The following VWA5B1 variants were observed in gnomAD, a reference collection of about 807,000 sequenced individuals.
The protein encoded by VWA5B1 is von Willebrand factor A domain containing 5B1.
VWA5B1 carries 115 observed loss-of-function variants against 118.2 expected under a neutral mutation model. The observed-to-expected ratio is 0.97, with a 90% CI of 0.84 to 1.14. VWA5B1 has a LOEUF of 1.14. Among genes scored for constraint, VWA5B1 ranks in the 50% most tolerant of loss-of-function variants. The pLI is 0.00. For synonymous variants in VWA5B1, 682 were observed against 658.4 expected (o/e 1.04, Z -0.55); for missense variants, 1,596 against 1,603.8 (o/e 1.00, Z 0.08).
At chr1:20,312,656 T>C (rs1333531914) in intron 2 of VWA5B1, among the ~76,000 whole-genome samples, 180 bp from the exon 3 acceptor site, 2 of 152,204 alleles carry the variant, frequency 1.3e-5, no homozygotes, top group Non-Finnish European at 2.9e-5. Flanking sequence ...CCGCTGTGCT[T>C]ACCCACCTGG....
chr1:20,335,603 A>C (rs767936939), intron 12 of VWA5B1, among the ~76,000 whole-genome samples: 7 of 152,212 alleles, frequency 4.6e-5, no homozygotes, highest in Non-Finnish European at 1.0e-4. Context: ...TAATATAAAC[A>C]GTCAATTAAC....
chr1:20,312,648 G>A (rs556556986), intron 2 of VWA5B1, among the ~76,000 whole-genome samples, 188 bp from the exon 3 acceptor site: 5 of 152,306 alleles, frequency 3.3e-5, no homozygotes, highest in South Asian at 2.1e-4. Flanking sequence ...TGGCCCTGCC[G>A]CTGTGCTTAC....
At chr1:20,340,808 T>A (rs538940348) in intron 14 of VWA5B1, among the ~76,000 whole-genome samples, 2 of 152,338 alleles carry the variant, frequency 1.3e-5, no homozygotes, top group South Asian at 4.1e-4. Context: ...TTTGAGTGTT[T>A]CCTTCTAGAA....
chr1:20,353,495 G>A (rs1191886665), intron 21 of VWA5B1, among the ~76,000 whole-genome samples: 1 of 152,190 alleles, frequency 6.6e-6, no homozygotes. Flanking sequence ...CATTGCAGGG[G>A]ACATTCCCAG....
At chr1:20,341,677 A>G (rs1452013885) in intron 14 of VWA5B1, among the ~76,000 whole-genome samples, 2 of 152,250 alleles carry the variant, frequency 1.3e-5, no homozygotes, top group African/African-American at 4.8e-5. Flanking sequence ...CTTCTTGAAA[A>G]TGATCTTTGT....
rs1227174712 is a variant in VWA5B1 at position 20,332,855 on chromosome 1, C to T, written c.1662C>T (p.Val554=). Residue 554 remains valine (V), a synonymous_variant, in exon 12 of 22, where the codon GTC becomes GTT. Coordinates refer to ENST00000289815, the MANE Select transcript of VWA5B1 (RefSeq NM_001039500.3). ...WIFPETTEVL[V]SPVSASSLFP... is the part of the protein sequence containing the mutation. Reference sequence around the variant, plus strand: ...TCCCTGAGACCACTGAGGTCCTGGTCTCACCCGTCAGCGCCAGCTCCCTCT... The same window carrying T: ...TCCCTGAGACCACTGAGGTCCTGGTTTCACCCGTCAGCGCCAGCTCCCTCT... 6.4e-7 allele frequency: 1 copy of T among 1,551,850 alleles called. No individual in the cohort carries two copies. The highest frequency in any genetic ancestry group is 1.4e-5 in the African/African-American group (1 of 73,182).
At chr1:20,315,484 C>A (rs1000721488) in intron 4 of VWA5B1, among the ~76,000 whole-genome samples, 18 of 152,198 alleles carry the variant, frequency 1.2e-4, no homozygotes, top group African/African-American at 4.1e-4. Context: ...GCACTTACAG[C>A]TGAGATCATT....
chr1:20,292,650 T>A (rs906366012), intron 1 of VWA5B1, among the ~76,000 whole-genome samples: 1 of 152,328 alleles, frequency 6.6e-6, no homozygotes, highest in African/African-American at 2.4e-5. Context: ...TGTGTGTGTG[T>A]GTGCACACGT....
chr1:20,331,162 A>G (rs891316234), intron 11 of VWA5B1, among the ~76,000 whole-genome samples, 179 bp downstream of exon 11: 8 of 152,326 alleles, frequency 5.3e-5, no homozygotes, highest in African/African-American at 1.9e-4. Context: ...CAACTCTTGA[A>G]GCAATGCCAG....
In VWA5B1 at chr1:20,336,304, A is replaced by G. The variant is rs949993854; in HGVS notation, c.1760A>G (p.Asp587Gly). 1 of 1,446,180 alleles carries G rather than the reference A, an allele frequency of 6.9e-7. No homozygotes were observed. The highest frequency in any genetic ancestry group is 1.8e-4 in the Middle Eastern group (1 of 5,606). The allele number at this position is 1,446,180 out of a possible 1,614,324, so 89.6% of individuals were successfully genotyped here. A position where few individuals can be genotyped will look rare whatever the true frequency, so the allele number is the denominator to read the frequency against. Residue 587 changes from aspartate to glycine, a missense_variant and splice_region_variant, in exon 13 of 22, where the codon GAC becomes GGC. Coordinates refer to ENST00000289815, the MANE Select transcript of VWA5B1 (RefSeq NM_001039500.3). ...CCTCTTTTCTGTTTCTCCCTACAGG[A>G]CAAGAGGCGCCGGTACAGCATGCTG... is the stretch of plus-strand genomic sequence containing the variant. ...ASLHISNPRS[D>G]KRRRYSMLHS... is the part of the protein sequence containing the mutation.
chr1:20,310,044 C>G (rs2088799558), intron 1 of VWA5B1, among the ~76,000 whole-genome samples: 1 of 151,674 alleles, frequency 6.6e-6, no homozygotes, highest in African/African-American at 2.4e-5. Flanking sequence ...ATGTGGCTCC[C>G]CTTACTTTGG....
At chr1:20,337,972 T>C in intron 14 of VWA5B1, 136 bp downstream of exon 14, 1 of 1,144,158 alleles carries the variant, frequency 8.7e-7, no homozygotes, top group East Asian at 2.6e-5. Flanking sequence ...TTTCCTTCCC[T>C]AGGCCTTCAT....
chr1:20,323,930 G>A (rs992866066), intron 8 of VWA5B1, among the ~76,000 whole-genome samples: 2 of 152,160 alleles, frequency 1.3e-5, no homozygotes, highest in Non-Finnish European at 2.9e-5. Flanking sequence ...AATCTTATGC[G>A]TTTGATCCTA....
chr1:20,318,616 C>A lies in VWA5B1; in HGVS notation c.736C>A (p.Arg246Ser). ...GGTGGAGAGTCCCACTCATGAGATT[C>A]GTGCCGACGCCGCCCCATCTGCCCG... ...AGVESPTHEI[R>S]ADAAPSARSA... is the part of the protein sequence containing the mutation. The change falls in exon 6 of 22, where the codon CGT (arginine) becomes AGT (serine). Residue 246 changes from arginine (R) to serine (S), a missense_variant. Arg to Ser is a moderately radical substitution (Grantham distance 110). Transcript: ENST00000289815. The A allele has an allele frequency of 1.3e-6, 2 of 1,551,338 alleles. No homozygotes were observed. The highest frequency in any genetic ancestry group is 1.7e-6 in the Non-Finnish European group (2 of 1,146,858).
chr1:20,327,971 CT>C lies in VWA5B1; in HGVS notation c.1230del (p.Pro411LeufsTer21), dbSNP rs2100915604. On this transcript the variant is annotated frameshift_variant, in exon 9 of 22. Coordinates refer to ENST00000289815, the MANE Select transcript of VWA5B1 (RefSeq NM_001039500.3). LOFTEE classifies it high-confidence loss of function. ...TGGGTTTGGATCCACATTTAAGAGC[CT>C]TTTTCCTTCCAGCCAGACCTACAGT... is the stretch of plus-strand genomic sequence containing the variant. ...IIGFGSTFKS[L>X]FPSSQTYSED... The C allele has an allele frequency of 6.4e-7, 1 of 1,551,508 alleles. No homozygotes were observed. The highest frequency in any genetic ancestry group is 8.7e-7 in the Non-Finnish European group (1 of 1,146,998).
chr1:20,335,283 A>G (rs2089680571), intron 12 of VWA5B1, among the ~76,000 whole-genome samples: 1 of 152,256 alleles, frequency 6.6e-6, no homozygotes, highest in African/African-American at 2.4e-5. Flanking sequence ...ACTGCACTCC[A>G]GCCTACGTGC....
chr1:20,314,539 C>A lies in VWA5B1; in HGVS notation c.510C>A (p.Thr170=). 6.4e-7 allele frequency: 1 copy of A among 1,551,702 alleles called. No individual in the cohort carries two copies. The highest frequency in any genetic ancestry group is 8.7e-7 in the Non-Finnish European group (1 of 1,147,022). The change falls in exon 4 of 22, where the codon ACC becomes ACA. Residue 170 remains threonine (T), a synonymous_variant. Transcript: ENST00000289815. ...RVLLPAVCAP[T]VPQFCTKSTG... is the part of the protein sequence containing the mutation. ...TTCTGCCTGCTGTCTGTGCCCCAACCGTGCCCCAGTTCTGCACCAAGAGCA... is the reference window on the plus strand; with the variant it reads ...TTCTGCCTGCTGTCTGTGCCCCAACAGTGCCCCAGTTCTGCACCAAGAGCA...
intron 4 of VWA5B1, among the ~76,000 whole-genome samples, chr1:20,315,695 T>A (rs189688549): frequency 2.6e-5 from 4 of 152,272 alleles, no homozygotes; most frequent in African/African-American, 9.6e-5. Flanking sequence ...AGGTGCCATG[T>A]GTCACGGCAG....
chr1:20,349,168 G>C (rs1026428412), intron 18 of VWA5B1: 10 of 446,490 alleles, frequency 2.2e-5, no homozygotes, highest in African/African-American at 6.0e-5. Flanking sequence ...GTGTGAGGGG[G>C]TGGAAACCCA....
Sources: gnomAD v4.1 joint callset for allele counts (sites outside exome capture counted in the v4.1 genomes callset) on GRCh38, gnomAD v4.1.1 for gene constraint, MANE v1.5 for transcripts, NCBI Gene and HGNC (gene_info 2026-07-23, HGNC 2026-07-21) for gene names.